CRYL1: variants seen among roughly 807,000 people sequenced by gnomAD.
CRYL1 encodes lambda-crystallin homolog.
CRYL1 carries 29 observed loss-of-function variants against 36.6 expected under a neutral mutation model. The observed-to-expected ratio is 0.79, with a 90% CI of 0.59 to 1.08. The LOEUF is 1.08. Ranked by LOEUF, CRYL1 falls within the 50% of genes least tolerant of loss-of-function variation. The pLI is 0.00. For synonymous variants in CRYL1, 152 were observed against 151.5 expected (o/e 1.00, Z -0.02); for missense variants, 411 against 407.9 (o/e 1.01, Z -0.06).
chr13:20,501,589 G>A (rs2033705235), intron 2 of CRYL1, among the ~76,000 whole-genome samples: 2 of 152,230 alleles, frequency 1.3e-5, no homozygotes, highest in Non-Finnish European at 2.9e-5. Flanking sequence ...AAGAGCTAAA[G>A]ATGGGGAAGA....
At chr13:20,494,609 G>A (rs1441601143) in intron 2 of CRYL1, among the ~76,000 whole-genome samples, 1 of 152,194 alleles carries the variant, frequency 6.6e-6, no homozygotes, top group African/African-American at 2.4e-5. Context: ...GCCTTAGTAG[G>A]CCAGCTGTGC....
intron 4 of CRYL1, among the ~76,000 whole-genome samples, chr13:20,437,540 C>T (rs1423875344): frequency 6.6e-6 from 1 of 152,134 alleles, no homozygotes; most frequent in African/African-American, 2.4e-5. Flanking sequence ...ATCTCCTGAC[C>T]TCCTAATCCA....
At chr13:20,491,529 G>A (rs117317535) in intron 2 of CRYL1, among the ~76,000 whole-genome samples, 11,349 of 152,206 alleles carry the variant, frequency 0.075, 600 homozygotes, top group Non-Finnish European at 0.12. Flanking sequence ...AGTGTCTCAC[G>A]CCTGTAATTC....
intron 3 of CRYL1, among the ~76,000 whole-genome samples, chr13:20,462,428 C>A (rs2032849955): frequency 6.7e-6 from 1 of 150,234 alleles, no homozygotes; most frequent in Non-Finnish European, 1.5e-5. Context: ...TCCAGCCAGG[C>A]CTCTTAGGAA....
chr13:20,464,049 T>A (rs931485455), intron 3 of CRYL1, among the ~76,000 whole-genome samples: 68 of 152,198 alleles, frequency 4.5e-4, no homozygotes, highest in African/African-American at 1.6e-3. Context: ...TAAATAAAAC[T>A]AACATGAATA....
At chr13:20,518,996 A>G (rs981353935) in intron 1 of CRYL1, among the ~76,000 whole-genome samples, 1 of 152,182 alleles carries the variant, frequency 6.6e-6, no homozygotes, top group African/African-American at 2.4e-5. Context: ...GTTTTCAGTG[A>G]GAAATGCTAA....
chr13:20,510,464 G>A (rs1480908887), intron 2 of CRYL1, among the ~76,000 whole-genome samples: 2 of 152,130 alleles, frequency 1.3e-5, no homozygotes, highest in African/African-American at 4.8e-5. Flanking sequence ...ACCGTAAAAG[G>A]ATCAGTGGTT....
intron 1 of CRYL1, chr13:20,515,847 A>G (rs905896329): frequency 1.3e-5 from 2 of 148,548 alleles, no homozygotes; most frequent in Non-Finnish European, 3.0e-5. Flanking sequence ...TTGATTGTAC[A>G]ACAATGGGAA....
At chr13:20,431,391 T>A in intron 5 of CRYL1, 1 of 985,390 alleles carries the variant, frequency 1.0e-6, no homozygotes, top group Non-Finnish European at 1.2e-6. Flanking sequence ...GAGTCTTGCC[T>A]TCCCCCTGCA....
chr13:20,525,494 C>T lies in CRYL1; in HGVS notation c.41+260G>A, dbSNP rs2034174555. Among the ~76,000 whole-genome samples the T allele has an allele frequency of 6.6e-6, 1 of 152,182 alleles. No homozygotes were observed. The highest frequency in any genetic ancestry group is 2.1e-4 in the South Asian group (1 of 4,834). Reference sequence around the variant, plus strand: ...CAGGCCCCGCGGCCTGGGCGGTCAACCTCGGAACCTCCTGCAACGCTGGCT... The same window carrying T: ...CAGGCCCCGCGGCCTGGGCGGTCAATCTCGGAACCTCCTGCAACGCTGGCT... On this transcript the variant is annotated intron_variant, in intron 1 of 7. Transcript: ENST00000298248. The surrounding 1 kb of genome is among the most constrained non-coding windows in gnomAD (Gnocchi z 4.3).
At chr13:20,465,658 C>G (rs1222043745) in intron 3 of CRYL1, among the ~76,000 whole-genome samples, 1 of 152,180 alleles carries the variant, frequency 6.6e-6, no homozygotes, top group Non-Finnish European at 1.5e-5. Context: ...ATTCATGCCA[C>G]TCCCGAATTC....
At chr13:20,514,408 A>T in intron 1 of CRYL1, among the ~76,000 whole-genome samples, 1 of 152,202 alleles carries the variant, frequency 6.6e-6, no homozygotes, top group East Asian at 1.9e-4. Flanking sequence ...CATCGGACAA[A>T]TCCTAACGGA....
At chr13:20,422,332 C>T (rs2031838607) in intron 5 of CRYL1, among the ~76,000 whole-genome samples, 1 of 150,528 alleles carries the variant, frequency 6.6e-6, no homozygotes, top group African/African-American at 2.4e-5. Flanking sequence ...TGCACTCCAA[C>T]CTGGGCCACA....
chr13:20,466,507 ACACG>A (rs1449880207), intron 3 of CRYL1, among the ~76,000 whole-genome samples: 1 of 152,218 alleles, frequency 6.6e-6, no homozygotes, highest in Non-Finnish European at 1.5e-5. Context: ...ACATCCACAC[ACACG>A]CACGCACACA....
intron 6 of CRYL1, among the ~76,000 whole-genome samples, chr13:20,409,291 A>T (rs995945346): frequency 1.1e-4 from 17 of 149,092 alleles, no homozygotes; most frequent in African/African-American, 4.2e-4. Context: ...AAAACTGGCT[A>T]GCCATAGGTA....
At chr13:20,422,227 G>A (rs887669137) in intron 5 of CRYL1, among the ~76,000 whole-genome samples, 2 of 152,060 alleles carry the variant, frequency 1.3e-5, no homozygotes, top group African/African-American at 4.8e-5. Flanking sequence ...AGGCATGGTG[G>A]CATGCGCCTG....
chr13:20,444,906 C>T (rs952236135), intron 3 of CRYL1, among the ~76,000 whole-genome samples: 15 of 152,226 alleles, frequency 9.9e-5, no homozygotes, highest in African/African-American at 3.6e-4. Context: ...TTAGTAGAGA[C>T]GGGGTTTCAG....
At chr13:20,516,151 A>G (rs1017489718) in intron 1 of CRYL1, among the ~76,000 whole-genome samples, 3 of 130,260 alleles carry the variant, frequency 2.3e-5, no homozygotes, top group Non-Finnish European at 4.6e-5. Flanking sequence ...AGATGGCACC[A>G]CTTCACTCCA....
At position 20,494,276 on chromosome 13, in the gene CRYL1, T is replaced by C. The variant is rs185072502; in HGVS notation, c.150-4780A>G. On this transcript the variant is annotated intron_variant, in intron 2 of 7. Coordinates refer to ENST00000298248, the MANE Select transcript of CRYL1 (RefSeq NM_015974.3). ...TTGTGTTACGGAGGAATAAGTGAGATGTTTAATACTGCGCCCATTGCTTTT... is the reference window on the plus strand; with the variant it reads ...TTGTGTTACGGAGGAATAAGTGAGACGTTTAATACTGCGCCCATTGCTTTT... Among the ~76,000 whole-genome samples, 3 of 152,374 alleles carry C rather than the reference T, an allele frequency of 2.0e-5. No individual in the cohort carries two copies. In the East Asian group the frequency reaches 5.8e-4, roughly 29 times the overall value.
Sources: gnomAD v4.1 joint callset for allele counts (sites outside exome capture counted in the v4.1 genomes callset) on GRCh38, gnomAD v4.1.1 for gene constraint, Gnocchi (gnomAD v3.1) non-coding constraint, MANE v1.5 for transcripts, NCBI Gene and HGNC (gene_info 2026-07-23, HGNC 2026-07-21) for gene names.